The following FLT1 variants were observed in gnomAD, a reference collection of about 807,000 sequenced individuals.
The protein encoded by FLT1 is vascular endothelial growth factor receptor 1.
In FLT1, 49 loss-of-function variants were observed where a neutral mutation model predicts 156.3. The observed-to-expected ratio is 0.31, with a 90% CI of 0.25 to 0.40. FLT1 has a LOEUF of 0.40. FLT1 is among the 10% of genes least tolerant of loss of function. The pLI is 1.00. For missense variants in FLT1, 1,322 were observed against 1,637.2 expected (o/e 0.81, Z 3.32); for synonymous variants, 594 against 583.8 (o/e 1.02, Z -0.25).
intron 17 of FLT1, among the ~76,000 whole-genome samples, chr13:28,338,707 C>T (rs938317631): frequency 5.3e-5 from 8 of 152,126 alleles, no homozygotes; most frequent in Non-Finnish European, 8.8e-5. Context: ...ACTCTTTCAC[C>T]GAATGTTTGA....
intron 27 of FLT1, among the ~76,000 whole-genome samples, chr13:28,310,965 C>T (rs1014385747): frequency 2.0e-5 from 3 of 152,086 alleles, no homozygotes; most frequent in African/African-American, 4.8e-5. Flanking sequence ...TTATTTGGTG[C>T]GATAATTTTG....
intron 3 of FLT1, among the ~76,000 whole-genome samples, chr13:28,452,344 G>T (rs1388141178): frequency 6.6e-6 from 1 of 152,178 alleles, no homozygotes; most frequent in Non-Finnish European, 1.5e-5. Flanking sequence ...TAACTTTTCT[G>T]TAAAGGAATT....
intron 3 of FLT1, among the ~76,000 whole-genome samples, chr13:28,463,379 T>C (rs1163510832): frequency 1.3e-5 from 2 of 152,078 alleles, no homozygotes; most frequent in African/African-American, 4.8e-5. Context: ...TAAGTAAGAG[T>C]TTGTTCATAA....
chr13:28,420,076 A>C (rs1415067101), intron 10 of FLT1, among the ~76,000 whole-genome samples: 1 of 152,240 alleles, frequency 6.6e-6, no homozygotes, highest in African/African-American at 2.4e-5. Flanking sequence ...GAAAAGTGGC[A>C]AAGGGGCCTT....
Position 28,415,480 on chromosome 13 carries a change from T to TTAA in FLT1, c.1437-9589_1437-9587dup, listed in dbSNP as rs369880174. On this transcript the variant is annotated intron_variant, in intron 10 of 29. Coordinates refer to ENST00000282397, the MANE Select transcript of FLT1 (RefSeq NM_002019.4). ...TGGGCAACAACAGCAAAACTCCATC[T>TTAA]TAATAATAATAATAATAATAATAGC... 2.1e-3 allele frequency among the ~76,000 whole-genome samples: 314 copies of TTAA among 151,510 alleles called. 1 individual carries two copies. The highest frequency in any genetic ancestry group is 6.8e-3 in the Middle Eastern group (2 of 294).
In FLT1 at chr13:28,304,564, C is replaced by T. The variant is rs186672192; in HGVS notation, c.3816-1196G>A. Among the ~76,000 whole-genome samples, 275 of 151,882 alleles carry T rather than the reference C, an allele frequency of 1.8e-3. 3 individuals carry two copies. Among genetic ancestry groups the T allele is most frequent in the South Asian group, 0.016 (75 of 4,806 alleles). On this transcript the variant is annotated intron_variant, in intron 29 of 29. Transcript: ENST00000282397. Reference sequence around the variant, plus strand: ...GATATAATTTACATAGTGCATAATTCGCCTATTTAAAATGTGTAAGCCAAT... The same window carrying T: ...GATATAATTTACATAGTGCATAATTTGCCTATTTAAAATGTGTAAGCCAAT...
At chr13:28,483,233 A>G (rs936931047) in intron 1 of FLT1, among the ~76,000 whole-genome samples, 27 of 152,228 alleles carry the variant, frequency 1.8e-4, no homozygotes, top group African/African-American at 5.5e-4. Context: ...TGTTGTTGCC[A>G]GAGTTTACAC....
intron 3 of FLT1, among the ~76,000 whole-genome samples, chr13:28,451,418 G>A (rs1266599767): frequency 6.6e-6 from 1 of 152,120 alleles, no homozygotes; most frequent in African/African-American, 2.4e-5. Flanking sequence ...ACGAGACTTC[G>A]TCTCAAAACA....
At chr13:28,418,810 C>T (rs1209168762) in intron 10 of FLT1, among the ~76,000 whole-genome samples, 1 of 152,070 alleles carries the variant, frequency 6.6e-6, no homozygotes, top group Non-Finnish European at 1.5e-5. Flanking sequence ...CTGGGCTCAA[C>T]TGATCCTCTC....
chr13:28,331,453 C>T (rs547769303), intron 18 of FLT1, among the ~76,000 whole-genome samples: 17 of 152,194 alleles, frequency 1.1e-4, no homozygotes, highest in Non-Finnish European at 2.2e-4. Context: ...TGTTTTGAGA[C>T]GGAGTCTCGC....
At chr13:28,372,577 T>C (rs1354475035) in intron 14 of FLT1, among the ~76,000 whole-genome samples, 5 of 49,706 alleles carry the variant, frequency 1.0e-4, no homozygotes, top group Admixed American at 1.8e-4. Flanking sequence ...TATATATATA[T>C]ATATATATAT....
At chr13:28,426,149 T>G (rs1235055177) in intron 10 of FLT1, among the ~76,000 whole-genome samples, 1 of 148,126 alleles carries the variant, frequency 6.8e-6, no homozygotes, top group Admixed American at 6.8e-5. Flanking sequence ...TTTTTTTTTT[T>G]GAATAACAAT....
rs145868840 is a variant in FLT1, at chr13:28,455,783, C to T, written c.388+11120G>A. On this transcript the variant is annotated intron_variant, in intron 3 of 29. Coordinates refer to ENST00000282397, the MANE Select transcript of FLT1 (RefSeq NM_002019.4). Reference sequence around the variant, plus strand: ...CAAAACATACAAAGAATTCTTAAAACTCATCAGTAAGAAAACAAACAACTC... The same window carrying T: ...CAAAACATACAAAGAATTCTTAAAATTCATCAGTAAGAAAACAAACAACTC... 1.4e-3 allele frequency among the ~76,000 whole-genome samples: 211 copies of T among 152,268 alleles called. 3 individuals carry two copies. The highest frequency in any genetic ancestry group is 0.014 in the Middle Eastern group (4 of 294).
intron 28 of FLT1, 104 bp downstream of exon 28, chr13:28,308,739 C>A (rs1359880444): frequency 1.3e-6 from 1 of 776,258 alleles, no homozygotes; most frequent in Non-Finnish European, 2.3e-6. Context: ...TGAATCCAGA[C>A]CCTCACTGAC....
chr13:28,483,227 G>A (rs1288053377), intron 1 of FLT1, among the ~76,000 whole-genome samples: 1 of 152,164 alleles, frequency 6.6e-6, no homozygotes, highest in Non-Finnish European at 1.5e-5. Flanking sequence ...ATGCAGTGTT[G>A]TTGCCAGAGT....
chr13:28,433,727 A>G, intron 6 of FLT1, 92 bp downstream of exon 6: 1 of 1,231,500 alleles, frequency 8.1e-7, no homozygotes, highest in Non-Finnish European at 1.2e-6. Flanking sequence ...AGGAGTCAGG[A>G]TTTTCTGATT....
At chr13:28,488,002 C>T (rs547272985) in intron 1 of FLT1, among the ~76,000 whole-genome samples, 35 of 151,326 alleles carry the variant, frequency 2.3e-4, no homozygotes, top group Non-Finnish European at 4.0e-4. Context: ...CAGCAGAAGG[C>T]GGCATGAGAC....
intron 13 of FLT1, chr13:28,389,518 G>A: frequency 1.4e-6 from 2 of 1,416,790 alleles, no homozygotes; most frequent in Non-Finnish European, 1.8e-6. Context: ...CACCAAGTCG[G>A]CCCCCCGGAG....
chr13:28,433,721 G>T (rs1877842455), intron 6 of FLT1, 98 bp downstream of exon 6: 3 of 1,145,480 alleles, frequency 2.6e-6, no homozygotes, highest in African/African-American at 1.5e-5. Flanking sequence ...TGCCACAGGA[G>T]TCAGGATTTT....
Sources: allele counts gnomAD v4.1 joint callset (sites outside exome capture counted in the v4.1 genomes callset), GRCh38; gene constraint gnomAD v4.1.1; transcripts MANE v1.5; gene names NCBI Gene and HGNC (gene_info 2026-07-23, HGNC 2026-07-21).